SGIP1: variants seen among roughly 807,000 people sequenced by gnomAD.
SGIP1 encodes the protein SH3GL interacting endocytic adaptor 1.
A neutral mutation model predicts 107.5 loss-of-function variants in SGIP1; 38 were observed. The observed-to-expected ratio is 0.35, with a 90% CI of 0.27 to 0.46. The LOEUF is 0.46. SGIP1 is among the 20% of genes least tolerant of loss of function. SGIP1 has a pLI of 1.00. For synonymous variants in SGIP1, 365 were observed against 366.1 expected (o/e 1.00, Z 0.03); for missense variants, 929 against 1,019.5 (o/e 0.91, Z 1.21).
At chr1:66,595,431 C>A (rs150543900) in intron 1 of SGIP1, among the ~76,000 whole-genome samples, 1 of 152,330 alleles carries the variant, frequency 6.6e-6, no homozygotes, top group African/African-American at 2.4e-5. Context: ...AAGAAGTCAT[C>A]AGTCCCTGCT....
Position 66,727,347 on chromosome 1 carries a change from AAG to A in SGIP1, c.1743-1915_1743-1914del, listed in dbSNP as rs367889079. ...TGGAAATGCAAATTAAAACAACAAG[AAG>A]ATACCACTACTCACCTATGAGAATG... On this transcript the variant is annotated intron_variant, in intron 19 of 24. Transcript: ENST00000371037. Among the ~76,000 whole-genome samples, 11 of 152,332 alleles carry A rather than the reference AAG, an allele frequency of 7.2e-5. No individual in the cohort carries two copies. In the East Asian group the frequency reaches 1.9e-3, roughly 27 times the overall value.
At chr1:66,685,439 C>T (rs1299446587) in intron 15 of SGIP1, among the ~76,000 whole-genome samples, 1 of 152,188 alleles carries the variant, frequency 6.6e-6, no homozygotes, top group Non-Finnish European at 1.5e-5. Flanking sequence ...GGCAAAGTCT[C>T]TCTTCTCCCA....
intron 1 of SGIP1, among the ~76,000 whole-genome samples, chr1:66,543,203 G>A (rs1165470051): frequency 1.3e-5 from 2 of 151,670 alleles, no homozygotes; most frequent in Non-Finnish European, 1.5e-5. Context: ...CACTAGTCCA[G>A]TGGACTCTAA....
In SGIP1 at chr1:66,682,091, C is replaced by A. The variant is rs780227138; in HGVS notation, c.1037C>A (p.Ser346Tyr). Residue 346 changes from serine (S) to tyrosine (Y), a missense_variant, in exon 15 of 25, where the codon TCC (serine) becomes TAC (tyrosine). This residue lies in a region of SGIP1 where 588 missense variants were observed against 588.6 expected (regional missense o/e 1.00). Transcript: ENST00000371037. ...GCTACACCAGACAACCCAGCTGACT[C>A]CCCAGCTCCAGGCCCTCTCGGCCCC... ...PPATPDNPAD[S>Y]PAPGPLGPPG... The A allele has an allele frequency of 3.3e-5, 53 of 1,614,118 alleles. No individual in the cohort carries two copies. Among genetic ancestry groups the A allele is most frequent in the Non-Finnish European group, 4.4e-5 (52 of 1,180,040 alleles).
chr1:66,741,279 T>A lies in SGIP1; in HGVS notation c.2307T>A (p.Gly769=). The part of the protein sequence containing the change: ...ISQKSENGGV[G]SLLARFQLSE... ...TAATGTGTTTTTTTTTAGGGGTGGGTTCTTTGTTGGCAAGATTTCAGTTAT... is the reference window on the plus strand; with the variant it reads ...TAATGTGTTTTTTTTTAGGGGTGGGATCTTTGTTGGCAAGATTTCAGTTAT... The change falls in exon 24 of 25, where the codon GGT becomes GGA. Residue 769 remains glycine, a synonymous_variant. Transcript: ENST00000371037. 5.0e-6 allele frequency: 8 copies of A among 1,584,646 alleles called. No individual in the cohort carries two copies. Among genetic ancestry groups the A allele is most frequent in the Non-Finnish European group, 6.0e-6 (7 of 1,166,842 alleles).
rs999657710 is a variant in SGIP1, at chr1:66,690,788, A to G, written c.1570+472A>G. Among the ~76,000 whole-genome samples the G allele has an allele frequency of 5.3e-5, 8 of 152,296 alleles. No homozygotes were observed. In the South Asian group the frequency reaches 8.3e-4, roughly 16 times the overall value. ...GTTGACAGATGATATAAACATCGGC[A>G]CTGTGAGACTTGAGCAAACTTTTCG... On this transcript the variant is annotated intron_variant, in intron 17 of 24. Coordinates refer to ENST00000371037, the MANE Select transcript of SGIP1 (RefSeq NM_032291.4).
intron 1 of SGIP1, among the ~76,000 whole-genome samples, chr1:66,608,048 A>G (rs983868261): frequency 1.6e-4 from 25 of 152,200 alleles, no homozygotes; most frequent in African/African-American, 6.0e-4. Context: ...CCATCCAGAC[A>G]GCGTGAAAAT....
intron 11 of SGIP1, among the ~76,000 whole-genome samples, chr1:66,672,927 G>A (rs1212459405): frequency 6.6e-6 from 1 of 151,940 alleles, no homozygotes; most frequent in African/African-American, 2.4e-5. Context: ...AGATCTTAGG[G>A]GAGAAAGGTG....
Position 66,630,904 on chromosome 1 carries a change from A to AAAGAAAGAAGGAAAGAAGGG in SGIP1, c.75-2165_75-2164insAGAAAGAAGGAAAGAAGGGA, listed in dbSNP as rs1553268299. The stretch of plus-strand genomic sequence containing the variant: ...GAAAGAAAGAAAGAAAGAAAGAAAG[A>AAAGAAAGAAGGAAAGAAGGG]AGGGAGGGAGGGAGGGAGGAAGGAA... On this transcript the variant is annotated intron_variant, in intron 2 of 24. Coordinates refer to ENST00000371037, the MANE Select transcript of SGIP1 (RefSeq NM_032291.4). Among the ~76,000 whole-genome samples, 7 of 9,290 alleles carry AAAGAAAGAAGGAAAGAAGGG rather than the reference A, an allele frequency of 7.5e-4. 3 individuals carry two copies. Among genetic ancestry groups the AAAGAAAGAAGGAAAGAAGGG allele is most frequent in the Non-Finnish European group, 1.2e-3 (7 of 5,916 alleles). 6.1% of individuals were successfully genotyped at this position (9,290 alleles called of 152,430 possible). A position where few individuals can be genotyped will look rare whatever the true frequency, so the allele number is the denominator to read the frequency against.
rs146442727 is a variant in SGIP1, at chr1:66,682,173, G to A, written c.1119G>A (p.Pro373=). 2.2e-5 allele frequency: 36 copies of A among 1,614,142 alleles called. No homozygotes were observed. Among genetic ancestry groups the A allele is most frequent in the African/African-American group, 9.3e-5 (7 of 75,024 alleles). ...GGCCTCCTCGCAATGTACTATCGCC[G>A]CTCAATTTAGAAGAAGTCCAGAAGA... ...PPGPPRNVLS[P]LNLEEVQKKV... The change falls in exon 15 of 25, where the codon CCG becomes CCA. Residue 373 remains proline, a synonymous_variant. Coordinates refer to ENST00000371037, the MANE Select transcript of SGIP1 (RefSeq NM_032291.4).
At chr1:66,729,718 C>G (rs1279237238) in intron 20 of SGIP1, among the ~76,000 whole-genome samples, 2 of 152,184 alleles carry the variant, frequency 1.3e-5, no homozygotes, top group Non-Finnish European at 2.9e-5. Flanking sequence ...CTGTTTTACT[C>G]ATTATCAACA....
At chr1:66,617,785 G>A (rs753158076) in intron 1 of SGIP1, among the ~76,000 whole-genome samples, 8 of 152,134 alleles carry the variant, frequency 5.3e-5, no homozygotes, top group Non-Finnish European at 7.4e-5. Flanking sequence ...TACAGCCTTT[G>A]TGTATAAGAA....
At chr1:66,580,338 G>C (rs1012452418) in intron 1 of SGIP1, among the ~76,000 whole-genome samples, 1 of 152,118 alleles carries the variant, frequency 6.6e-6, no homozygotes, top group Admixed American at 6.6e-5. Context: ...TCTTGTCTAA[G>C]GGTCTTTGCG....
At chr1:66,645,184 G>A (rs1210280640) in intron 7 of SGIP1, among the ~76,000 whole-genome samples, 2 of 152,162 alleles carry the variant, frequency 1.3e-5, no homozygotes, top group Non-Finnish European at 2.9e-5. Context: ...AGTAAAAGAA[G>A]GCAAGTTCAG....
At chr1:66,659,942 AAG>A (rs1346536241) in intron 7 of SGIP1, among the ~76,000 whole-genome samples, 1 of 44,304 alleles carries the variant, frequency 2.3e-5, no homozygotes, top group African/African-American at 1.2e-4. Context: ...GAGAAAGAAA[AAG>A]AAAGAAAAAG....
intron 18 of SGIP1, among the ~76,000 whole-genome samples, chr1:66,697,464 G>A (rs1452122031): frequency 6.6e-6 from 1 of 152,014 alleles, no homozygotes; most frequent in African/African-American, 2.4e-5. Context: ...TCTTAATCTT[G>A]GACTTTGTTC....
chr1:66,553,094 A>G (rs1488799925), intron 1 of SGIP1, among the ~76,000 whole-genome samples: 3 of 152,086 alleles, frequency 2.0e-5, no homozygotes, highest in Non-Finnish European at 4.4e-5. Flanking sequence ...TGCTGGGACG[A>G]CAGCTCCATG....
In SGIP1 at chr1:66,639,815, A is replaced by T. The variant is rs755818247; in HGVS notation, c.210A>T (p.Glu70Asp). Reference sequence around the variant, plus strand: ...GGGCACCAAATGGATTTTATGCGGAAATTGATTGGGAAAGATATGTGAGTA... The same window carrying T: ...GGGCACCAAATGGATTTTATGCGGATATTGATTGGGAAAGATATGTGAGTA... ...SNGAPNGFYA[E>D]IDWERYNSPE... The change falls in exon 5 of 25, where the codon GAA becomes GAT. Residue 70 changes from glutamate (E) to aspartate (D), a missense_variant. Physicochemically the swap from Glu to Asp is conservative, Grantham distance 45. This residue lies in a region of SGIP1 where 588 missense variants were observed against 588.6 expected (regional missense o/e 1.00). Transcript: ENST00000371037. 1 of 1,612,072 alleles carries T rather than the reference A, an allele frequency of 6.2e-7. No homozygotes were observed. Among genetic ancestry groups the T allele is most frequent in the Non-Finnish European group, 8.5e-7 (1 of 1,178,814 alleles).
At chr1:66,716,864 C>T (rs1197916184) in intron 18 of SGIP1, among the ~76,000 whole-genome samples, 2 of 152,050 alleles carry the variant, frequency 1.3e-5, no homozygotes, top group Non-Finnish European at 2.9e-5. Context: ...CTCCCCAAGC[C>T]TCATTTGCTT....
Sources: allele counts gnomAD v4.1 joint callset (sites outside exome capture counted in the v4.1 genomes callset), GRCh38; gene constraint gnomAD v4.1.1; regional missense constraint gnomAD v4.1.1; transcripts MANE v1.5; gene names NCBI Gene and HGNC (gene_info 2026-07-23, HGNC 2026-07-21).